The following RCC1 variants were observed in gnomAD, a reference collection of about 807,000 sequenced individuals.
RCC1 encodes the protein regulator of chromosome condensation 1.
RCC1 carries 11 observed loss-of-function variants against 44.4 expected under a neutral mutation model. That is an observed-to-expected ratio of 0.25 (90% CI 0.16 to 0.41). The LOEUF is 0.41. Among genes scored for constraint, RCC1 ranks in the 10% least tolerant of loss-of-function variants. The probability of loss-of-function intolerance (pLI) is 1.00; values close to 1 mark genes in which losing one functional copy is unlikely to be tolerated. For synonymous variants in RCC1, 213 were observed against 216.5 expected, an observed-to-expected ratio of 0.98 and a Z score of 0.14; for missense variants, 386 against 547.1, an observed-to-expected ratio of 0.71 and a Z score of 2.94.
chr1:28,532,167 A>T lies in RCC1; in HGVS notation c.262-4A>T. On this transcript the variant is annotated splice_polypyrimidine_tract_variant and splice_region_variant and intron_variant, in intron 6 of 12. Coordinates refer to ENST00000683442, the MANE Select transcript of RCC1 (RefSeq NM_001381865.2). ...TTGCATTAATGAGGGCATCCTGGGC[A>T]CAGGTCTATTCCTTCGGCTGCAATG... is the stretch of plus-strand genomic sequence containing the variant. The T allele has an allele frequency of 1.2e-6, 2 of 1,611,534 alleles. No individual in the cohort carries two copies. The highest frequency in any genetic ancestry group is 1.7e-6 in the Non-Finnish European group (2 of 1,178,548).
At chr1:28,524,053 G>A (rs2124636852) in intron 4 of RCC1, among the ~76,000 whole-genome samples, 1 of 152,332 alleles carries the variant, frequency 6.6e-6, no homozygotes, top group Non-Finnish European at 1.5e-5. Flanking sequence ...GACCTCAGGT[G>A]ATCCACCCGC....
At chr1:28,522,773 C>G (rs1663368160) in intron 4 of RCC1, among the ~76,000 whole-genome samples, 1 of 151,732 alleles carries the variant, frequency 6.6e-6, no homozygotes, top group Non-Finnish European at 1.5e-5. Context: ...CGTGTACGTG[C>G]TGCTGCACTA....
rs750957553 is a variant in RCC1, at chr1:28,532,201, G to T, written c.292G>T (p.Ala98Ser). Residue 98 changes from alanine (A) to serine (S), a missense_variant, in exon 7 of 13, where the codon GCC becomes TCC. Ala to Ser is a moderately conservative substitution (Grantham distance 99). Transcript: ENST00000683442. ...TTCCTTCGGCTGCAATGATGAGGGT[G>T]CCCTGGGAAGGGACACATCAGTGGA... Reference protein sequence around the residue: ...VYSFGCNDEGALGRDTSVEGS... With the variant: ...VYSFGCNDEGSLGRDTSVEGS... The T allele has an allele frequency of 6.2e-7, 1 of 1,613,740 alleles. No homozygotes were observed. The highest frequency in any genetic ancestry group is 2.2e-5 in the East Asian group (1 of 44,880).
At chr1:28,508,053 G>T in intron 1 of RCC1, 75 bp from the exon 2 acceptor site, 1 of 404,426 alleles carries the variant, frequency 2.5e-6, no homozygotes, top group Non-Finnish European at 5.1e-6. Flanking sequence ...TCCAACCCCA[G>T]GCGATAGCAT....
At chr1:28,512,478 T>C (rs1218510103) in intron 3 of RCC1, among the ~76,000 whole-genome samples, 4 of 152,204 alleles carry the variant, frequency 2.6e-5, no homozygotes, top group South Asian at 4.1e-4. Context: ...CTGGCTGATT[T>C]AATTTTTCTG....
chr1:28,512,946 C>A (rs895474130), intron 3 of RCC1, among the ~76,000 whole-genome samples: 2 of 152,084 alleles, frequency 1.3e-5, no homozygotes, highest in Non-Finnish European at 2.9e-5. Context: ...AGGTGCCTGC[C>A]ACCATGCCCT....
intron 1 of RCC1, 110 bp from the exon 2 acceptor site, chr1:28,508,006 GACCTATACTCAA>G (rs916801289): frequency 2.7e-5 from 9 of 328,574 alleles, no homozygotes; most frequent in East Asian, 8.2e-5. Flanking sequence ...GCCCAGGAGT[GACCTATACTCAA>G]ACCTATACTC....
chr1:28,514,488 G>A (rs951695692), intron 3 of RCC1, among the ~76,000 whole-genome samples: 1 of 145,456 alleles, frequency 6.9e-6, no homozygotes, highest in Non-Finnish European at 1.5e-5. Flanking sequence ...GCGGCCTGGT[G>A]TGGTGGCTCA....
chr1:28,506,862 T>G (rs1223823950), intron 1 of RCC1: 1 of 157,792 alleles, frequency 6.3e-6, no homozygotes, highest in Non-Finnish European at 1.4e-5. Context: ...CCACCGCGCC[T>G]GGCTTATTTT....
At position 28,538,059 on chromosome 1, in the gene RCC1, A is replaced by G; in HGVS notation, c.*52A>G. The G allele has an allele frequency of 6.4e-7, 1 of 1,553,946 alleles. No individual in the cohort carries two copies. The highest frequency in any genetic ancestry group is 8.7e-7 in the Non-Finnish European group (1 of 1,143,450). ...TCCTGCACAACCTCCCTCACAGAAC[A>G]GGGAAGCAGTGACAGCTGCAGATGG... is the stretch of plus-strand genomic sequence containing the variant. On this transcript the variant is annotated 3_prime_UTR_variant, in exon 13 of 13. Transcript: ENST00000683442.
chr1:28,536,148 C>A lies in RCC1; in HGVS notation c.818-114C>A, dbSNP rs138995791. 1.9e-4 allele frequency: 288 copies of A among 1,541,994 alleles called. 2 individuals are homozygous for A. The African/African-American group carries it at 3.7e-3, about 20-fold the overall frequency. ...AACCCCTCCAAGCCAGTTTTGTCAT[C>A]TGTAAAGTGAGAATGTCCATATCCT... On this transcript the variant is annotated intron_variant, in intron 10 of 12. Coordinates refer to ENST00000683442, the MANE Select transcript of RCC1 (RefSeq NM_001381865.2). The surrounding 1 kb of genome is among the most constrained non-coding windows in gnomAD (Gnocchi z 4.9).
At chr1:28,508,490 T>A in intron 2 of RCC1, 1 of 463,214 alleles carries the variant, frequency 2.2e-6, no homozygotes, top group Non-Finnish European at 4.4e-6. Flanking sequence ...ATACTAGCCC[T>A]TGAAAATACT....
Position 28,514,862 on chromosome 1 carries a change from G to A in RCC1, c.-152-1863G>A, listed in dbSNP as rs545478629. 7.5e-4 allele frequency among the ~76,000 whole-genome samples: 114 copies of A among 152,026 alleles called. 1 individual carries two copies. In the South Asian group the frequency reaches 0.015, roughly 20 times the overall value. The stretch of plus-strand genomic sequence containing the variant: ...GGCAGGCAGATCACGAGGTCAGAGC[G>A]AGACTCCGTCTCGAAAAAATAAATA... On this transcript the variant is annotated intron_variant, in intron 3 of 12. Coordinates refer to ENST00000683442, the MANE Select transcript of RCC1 (RefSeq NM_001381865.2).
chr1:28,532,145 C>A, intron 6 of RCC1, 26 bp from the exon 7 acceptor site: 1 of 1,605,890 alleles, frequency 6.2e-7, no homozygotes, highest in South Asian at 1.1e-5. Flanking sequence ...CCAGACGTTG[C>A]ATTAATGAGG....
At chr1:28,508,749 T>C (rs753420316) in intron 2 of RCC1, 81 bp from the exon 3 acceptor site, 2 of 514,660 alleles carry the variant, frequency 3.9e-6, no homozygotes, top group Non-Finnish European at 7.7e-6. Flanking sequence ...AGACAAACCA[T>C]GCAGGAAACA....
In RCC1 at chr1:28,538,225, G is replaced by C; in HGVS notation, c.*218G>C. The C allele has an allele frequency of 2.2e-6, 1 of 459,790 alleles. No homozygotes were observed. Among genetic ancestry groups the C allele is most frequent in the Non-Finnish European group, 3.8e-6 (1 of 259,944 alleles). 28.5% of individuals were successfully genotyped at this position (459,790 alleles called of 1,614,324 possible). On this transcript the variant is annotated 3_prime_UTR_variant, in exon 13 of 13. Transcript: ENST00000683442. ...AGAATAAAGGGGGGGATGGACAGGG[G>C]GTTTTCAAAAGGAACATGGCTCACT...
chr1:28,524,655 C>G (rs1036911736), intron 4 of RCC1, among the ~76,000 whole-genome samples: 2 of 152,048 alleles, frequency 1.3e-5, no homozygotes, highest in Non-Finnish European at 2.9e-5. Context: ...CCCAGGAGTT[C>G]GGGACCAGCC....
intron 7 of RCC1, among the ~76,000 whole-genome samples, chr1:28,534,502 C>T (rs1424511956): frequency 1.3e-5 from 2 of 151,924 alleles, no homozygotes; most frequent in African/African-American, 2.4e-5. Flanking sequence ...TAATTAGAGA[C>T]GAGATCCTGC....
chr1:28,515,005 C>G (rs529121278), intron 3 of RCC1, among the ~76,000 whole-genome samples: 4 of 152,246 alleles, frequency 2.6e-5, no homozygotes, highest in African/African-American at 9.6e-5. Context: ...CAGCCAGTTG[C>G]GATGGCTCAC....
Sources: gnomAD v4.1 joint callset for allele counts (sites outside exome capture counted in the v4.1 genomes callset) on GRCh38, gnomAD v4.1.1 for gene constraint, Gnocchi (gnomAD v3.1) non-coding constraint, MANE v1.5 for transcripts, NCBI Gene and HGNC (gene_info 2026-07-23, HGNC 2026-07-21) for gene names.